The following PDE4B variants were observed in gnomAD, a reference collection of about 807,000 sequenced individuals.
PDE4B encodes 3',5'-cyclic-AMP phosphodiesterase 4B.
In PDE4B, 20 loss-of-function variants were observed where a neutral mutation model predicts 82.2. The observed-to-expected ratio is 0.24, with a 90% CI of 0.17 to 0.35. PDE4B has a LOEUF of 0.35. Among genes scored for constraint, PDE4B ranks in the 10% least tolerant of loss-of-function variants. The pLI, the probability that PDE4B is intolerant of heterozygous loss-of-function variation, is 1.00. For missense variants in PDE4B, 655 were observed against 907.2 expected (o/e 0.72, Z 3.57); for synonymous variants, 320 against 318.9 (o/e 1.00, Z -0.04).
intron 7 of PDE4B, among the ~76,000 whole-genome samples, chr1:66,269,216 A>T (rs1362199193): frequency 3.9e-5 from 6 of 152,218 alleles, no homozygotes; most frequent in Non-Finnish European, 5.9e-5. Context: ...CTGCTTATAT[A>T]TGTTAGTGTG....
chr1:66,353,252 A>G (rs1454286047), intron 8 of PDE4B, among the ~76,000 whole-genome samples: 4 of 145,760 alleles, frequency 2.7e-5, no homozygotes, highest in Non-Finnish European at 6.2e-5. Flanking sequence ...AACATATTGT[A>G]TCATGGGAAA....
At chr1:66,230,367 A>G (rs1056996030) in intron 3 of PDE4B, among the ~76,000 whole-genome samples, 4 of 152,208 alleles carry the variant, frequency 2.6e-5, no homozygotes, top group African/African-American at 9.7e-5. Flanking sequence ...TAGGATTTTG[A>G]CTGCCAGGCA....
intron 1 of PDE4B, among the ~76,000 whole-genome samples, chr1:65,893,488 A>T (rs1018771961): frequency 6.6e-6 from 1 of 152,118 alleles, no homozygotes; most frequent in Admixed American, 6.6e-5. Flanking sequence ...CCATAATTAA[A>T]AAAGAAAGAG....
At chr1:66,080,389 C>T (rs1332604272) in intron 3 of PDE4B, among the ~76,000 whole-genome samples, 2 of 151,930 alleles carry the variant, frequency 1.3e-5, no homozygotes, top group African/African-American at 4.8e-5. Flanking sequence ...TATCTTTTTA[C>T]CAAGTGAAAA....
intron 8 of PDE4B, among the ~76,000 whole-genome samples, chr1:66,348,236 A>G (rs1661557819): frequency 6.6e-6 from 1 of 152,218 alleles, no homozygotes; most frequent in African/African-American, 2.4e-5. Flanking sequence ...ATACCTGTAC[A>G]GAAAAAGTTG....
intron 3 of PDE4B, among the ~76,000 whole-genome samples, chr1:66,082,564 G>A (rs1656795787): frequency 6.6e-6 from 1 of 151,816 alleles, no homozygotes; most frequent in East Asian, 1.9e-4. Context: ...GGCTCAATGT[G>A]TTGTGCCTCA....
intron 3 of PDE4B, among the ~76,000 whole-genome samples, chr1:65,970,846 C>T (rs1650090472): frequency 6.6e-6 from 1 of 151,910 alleles, no homozygotes; most frequent in South Asian, 2.1e-4. Context: ...AAAAAATGTG[C>T]ACCTGGAGGA....
At position 66,064,556 on chromosome 1, in the gene PDE4B, G is replaced by C. The variant is rs193096352; in HGVS notation, c.281+145721G>C. Among the ~76,000 whole-genome samples, 440 of 152,060 alleles carry C rather than the reference G, an allele frequency of 2.9e-3. 2 individuals are homozygous for C. Among genetic ancestry groups the C allele is most frequent in the Middle Eastern group, 0.027 (8 of 294 alleles). ...AATTTCTTGCTGGTATTTACTGTTA[G>C]CCAAATGAAAGCCAAGTGGAGCTTC... is the stretch of plus-strand genomic sequence containing the variant. On this transcript the variant is annotated intron_variant, in intron 3 of 16. Coordinates refer to ENST00000341517, the MANE Select transcript of PDE4B (RefSeq NM_002600.4).
intron 3 of PDE4B, among the ~76,000 whole-genome samples, chr1:66,225,933 G>C (rs576116448): frequency 6.6e-6 from 1 of 152,186 alleles, no homozygotes; most frequent in Non-Finnish European, 1.5e-5. Context: ...TATTTCTTCT[G>C]TTGGTGCAAA....
intron 8 of PDE4B, among the ~76,000 whole-genome samples, chr1:66,336,923 C>T (rs983584970): frequency 3.9e-5 from 6 of 152,300 alleles, no homozygotes; most frequent in Middle Eastern, 3.4e-3. Context: ...TACCAGGCCC[C>T]GAGCCAGCTG....
intron 3 of PDE4B, among the ~76,000 whole-genome samples, chr1:66,238,395 A>G (rs1447973751): frequency 6.6e-6 from 1 of 152,176 alleles, no homozygotes; most frequent in Non-Finnish European, 1.5e-5. Flanking sequence ...ATCCATGGCA[A>G]GGAGTTTGGA....
chr1:66,182,481 G>A (rs776503272), intron 3 of PDE4B, among the ~76,000 whole-genome samples: 11 of 152,030 alleles, frequency 7.2e-5, no homozygotes, highest in Non-Finnish European at 1.2e-4. Context: ...AGTTTTAATT[G>A]CATTATTAAT....
Position 65,984,049 on chromosome 1 carries a change from A to G in PDE4B, c.281+65214A>G, listed in dbSNP as rs529011136. Among the ~76,000 whole-genome samples, 10 of 152,300 alleles carry G rather than the reference A, an allele frequency of 6.6e-5. 1 individual carries two copies. In the South Asian group the frequency reaches 2.1e-3, roughly 32 times the overall value. The stretch of plus-strand genomic sequence containing the variant: ...GTACACGGATGTTTACAGAAGCTCT[A>G]TTTATAATTGAGCTCAAAACTAGAA... On this transcript the variant is annotated intron_variant, in intron 3 of 16. Transcript: ENST00000341517.
At chr1:66,035,326 T>C (rs1236468322) in intron 3 of PDE4B, among the ~76,000 whole-genome samples, 4 of 152,178 alleles carry the variant, frequency 2.6e-5, no homozygotes, top group Non-Finnish European at 5.9e-5. Flanking sequence ...TTCTCTGTGG[T>C]GAGAACACCT....
At chr1:66,019,857 G>A (rs1182848210) in intron 3 of PDE4B, among the ~76,000 whole-genome samples, 1 of 152,156 alleles carries the variant, frequency 6.6e-6, no homozygotes, top group African/African-American at 2.4e-5. Context: ...AACTAGTTGA[G>A]TAGACAATAC....
In PDE4B at chr1:66,244,080, T is replaced by C. The variant is rs1303854783; in HGVS notation, c.282-3380T>C. ...AGCTCAAAGTTATCAACTGCAACATTATTCAGAATTGCAAATATGAAGAGT... is the reference window on the plus strand; with the variant it reads ...AGCTCAAAGTTATCAACTGCAACATCATTCAGAATTGCAAATATGAAGAGT... On this transcript the variant is annotated intron_variant, in intron 3 of 16. Coordinates refer to ENST00000341517, the MANE Select transcript of PDE4B (RefSeq NM_002600.4). 2.6e-5 allele frequency among the ~76,000 whole-genome samples: 4 copies of C among 152,354 alleles called. No homozygotes were observed. The East Asian group carries it at 7.7e-4, about 29-fold the overall frequency.
intron 1 of PDE4B, among the ~76,000 whole-genome samples, chr1:65,898,050 C>G (rs1646930375): frequency 6.6e-6 from 1 of 152,070 alleles, no homozygotes; most frequent in Non-Finnish European, 1.5e-5. Flanking sequence ...GAGATAGTAT[C>G]TCATTGTGAT....
intron 1 of PDE4B, among the ~76,000 whole-genome samples, chr1:65,816,014 T>C (rs1645879258): frequency 6.6e-6 from 1 of 152,132 alleles, no homozygotes; most frequent in Non-Finnish European, 1.5e-5. Context: ...TCTTTCTCAA[T>C]TTTCTCTTTT....
chr1:66,186,151 T>A (rs1279229332), intron 3 of PDE4B, among the ~76,000 whole-genome samples: 1 of 152,186 alleles, frequency 6.6e-6, no homozygotes, highest in African/African-American at 2.4e-5. Flanking sequence ...GTTTTAGATA[T>A]GCGGCATTAT....
Sources: allele counts gnomAD v4.1 joint callset (sites outside exome capture counted in the v4.1 genomes callset), GRCh38; gene constraint gnomAD v4.1.1; transcripts MANE v1.5; gene names NCBI Gene and HGNC (gene_info 2026-07-23, HGNC 2026-07-21).